The following NKTR variants were observed in gnomAD, a reference collection of about 807,000 sequenced individuals.
The protein encoded by NKTR is natural killer cell triggering receptor.
In NKTR, 67 loss-of-function variants were observed where a neutral mutation model predicts 156.3. The observed-to-expected ratio is 0.43, with a 90% CI of 0.35 to 0.53. The LOEUF is 0.53. Ranked by LOEUF, NKTR falls within the 20% of genes least tolerant of loss-of-function variation. The pLI is 0.01. For synonymous variants in NKTR, 640 were observed against 596.6 expected, an observed-to-expected ratio of 1.07 and a Z score of -1.06; for missense variants, 1,604 against 1,730.9, an observed-to-expected ratio of 0.93 and a Z score of 1.30.
intron 6 of NKTR, chr3:42,627,585 A>G: frequency 1.0e-6 from 1 of 985,210 alleles, no homozygotes; most frequent in Non-Finnish European, 1.2e-6. Flanking sequence ...TAGCAGTGAC[A>G]CTTGTCAATT....
intron 2 of NKTR, among the ~76,000 whole-genome samples, chr3:42,606,277 T>C (rs34683820): frequency 0.17 from 26,204 of 152,178 alleles, 2,736 homozygotes; most frequent in African/African-American, 0.29. Context: ...TATATGGAAA[T>C]AGTTATTTTT....
chr3:42,601,819 C>G (rs1046264387), intron 2 of NKTR: 1 of 152,148 alleles, frequency 6.6e-6, no homozygotes, highest in South Asian at 2.1e-4. Context: ...TGTGCAACAT[C>G]TTGTTCTGCA....
chr3:42,628,660 T>C, intron 6 of NKTR: 2 of 985,428 alleles, frequency 2.0e-6, no homozygotes, highest in South Asian at 4.7e-5. Flanking sequence ...TTTTTACTTC[T>C]AAATATTTGG....
chr3:42,604,671 T>C (rs1706035444), intron 2 of NKTR, among the ~76,000 whole-genome samples: 2 of 52,488 alleles, frequency 3.8e-5, no homozygotes, highest in African/African-American at 1.5e-4. Flanking sequence ...TTTTTTTTTT[T>C]TTTTTTTTTT....
At chr3:42,642,705 A>AGG in intron 14 of NKTR, 109 bp downstream of exon 14, 1 of 747,016 alleles carries the variant, frequency 1.3e-6, no homozygotes, top group Non-Finnish European at 2.4e-6. Flanking sequence ...TACTGAATAT[A>AGG]CTACTGGCCT....
chr3:42,601,296 G>A, intron 2 of NKTR: 1 of 384,304 alleles, frequency 2.6e-6, no homozygotes, highest in Non-Finnish European at 4.7e-6. Context: ...CTGCATCTCC[G>A]GACTGAGTCC....
chr3:42,606,016 G>C (rs975242889), intron 2 of NKTR, among the ~76,000 whole-genome samples: 2 of 151,946 alleles, frequency 1.3e-5, no homozygotes, highest in African/African-American at 2.4e-5. Flanking sequence ...GAGTGGCGTG[G>C]GAGAGAACAG....
At position 42,637,598 on chromosome 3, in the gene NKTR, C is replaced by A; in HGVS notation, c.1894C>A (p.Arg632=). The change falls in exon 13 of 17, where the codon CGA becomes AGA. Residue 632 remains arginine (R), a synonymous_variant. Coordinates refer to ENST00000232978, the MANE Select transcript of NKTR (RefSeq NM_005385.4). ...GAAACCTTGGAAGCCCTCTTATGAG[C>A]GAATTCAGGAAATGAAAGCTAAAAC... is the stretch of plus-strand genomic sequence containing the variant. ...GQKPWKPSYE[R]IQEMKAKTTH... 1 of 1,609,632 alleles carries A rather than the reference C, an allele frequency of 6.2e-7. No individual in the cohort carries two copies. The highest frequency in any genetic ancestry group is 8.5e-7 in the Non-Finnish European group (1 of 1,178,804).
chr3:42,609,005 G>T (rs1706511801), intron 2 of NKTR, among the ~76,000 whole-genome samples: 1 of 152,146 alleles, frequency 6.6e-6, no homozygotes, highest in South Asian at 2.1e-4. Context: ...GCGAGCACCT[G>T]TAATCACAGC....
Position 42,638,127 on chromosome 3 carries a change from C to A in NKTR, c.2423C>A (p.Ser808Tyr), listed in dbSNP as rs770047537. The A allele has an allele frequency of 3.0e-5, 48 of 1,613,836 alleles. No individual in the cohort carries two copies. The highest frequency in any genetic ancestry group is 9.9e-5 in the South Asian group (9 of 91,042). The part of the protein sequence containing the change: ...YSESRSSLDY[S>Y]SDSEQSSVQA... ...GAGAGCAGATCATCTTTAGATTATT[C>A]TTCAGACAGTGAGCAGTCAAGTGTT... Residue 808 changes from serine (S) to tyrosine (Y), a missense_variant, in exon 13 of 17, where the codon TCT becomes TAT. Coordinates refer to ENST00000232978, the MANE Select transcript of NKTR (RefSeq NM_005385.4).
Position 42,632,837 on chromosome 3 carries a change from A to G in NKTR, c.773+14A>G, listed in dbSNP as rs2125808519. The G allele has an allele frequency of 6.5e-7, 1 of 1,544,828 alleles. No individual in the cohort carries two copies. The highest frequency in any genetic ancestry group is 1.7e-4 in the Middle Eastern group (1 of 5,752). On this transcript the variant is annotated intron_variant, in intron 9 of 16. Transcript: ENST00000232978. ...GAACCCAAAAGGGTACGTGTAAAAC[A>G]CCAATGTACTCTTACCTAAAAACAA...
At chr3:42,633,772 C>G in intron 10 of NKTR, 37 bp downstream of exon 10, 1 of 1,611,230 alleles carries the variant, frequency 6.2e-7, no homozygotes, top group Admixed American at 1.7e-5. Flanking sequence ...TTTTATTTCT[C>G]CGATAACACT....
rs1439326042 is a variant in NKTR at position 42,623,248 on chromosome 3, T to G, written c.374+1732T>G. On this transcript the variant is annotated intron_variant, in intron 6 of 16. Transcript: ENST00000232978. ...AATACAAAATTTTGAATCAATAAAT[T>G]ACAATTATAATTTTTATACTTATTT... Among the ~76,000 whole-genome samples, 4 of 152,224 alleles carry G rather than the reference T, an allele frequency of 2.6e-5. No homozygotes were observed. The East Asian group carries it at 7.7e-4, about 29-fold the overall frequency.
intron 3 of NKTR, among the ~76,000 whole-genome samples, chr3:42,618,468 C>CT (rs1707608182): frequency 1.3e-5 from 2 of 152,080 alleles, no homozygotes; most frequent in East Asian, 3.9e-4. Flanking sequence ...GGGACGGAGT[C>CT]TGACTCTTGT....
intron 6 of NKTR, among the ~76,000 whole-genome samples, chr3:42,622,417 T>G (rs1235278351): frequency 6.6e-6 from 1 of 152,082 alleles, no homozygotes; most frequent in Non-Finnish European, 1.5e-5. Flanking sequence ...AATAATTTAT[T>G]GAAAACATTT....
At chr3:42,634,323 G>A (rs192455324) in intron 10 of NKTR, among the ~76,000 whole-genome samples, 36 of 152,282 alleles carry the variant, frequency 2.4e-4, no homozygotes, top group South Asian at 6.2e-4. Context: ...GAAAGAAAAT[G>A]TTTCATGAAC....
rs993523924 is a variant in NKTR at position 42,639,156 on chromosome 3, C to G, written c.3452C>G (p.Ala1151Gly). Reference protein sequence around the residue: ...KVEETSPLGNARLDTPDINIV... With the variant: ...KVEETSPLGNGRLDTPDINIV... Reference sequence around the variant, plus strand: ...GAGGAGACTTCCCCTCTAGGAAATGCACGGCTTGATACCCCAGATATAAAC... The same window carrying G: ...GAGGAGACTTCCCCTCTAGGAAATGGACGGCTTGATACCCCAGATATAAAC... Residue 1151 changes from alanine to glycine, a missense_variant, in exon 13 of 17, where the codon GCA (alanine) becomes GGA (glycine). Transcript: ENST00000232978. 3 of 1,614,076 alleles carry G rather than the reference C, an allele frequency of 1.9e-6. No homozygotes were observed. The highest frequency in any genetic ancestry group is 2.2e-5 in the East Asian group (1 of 44,886).
rs371829635 is a variant in NKTR, at chr3:42,639,421, T to C, written c.3717T>C (p.Asn1239=). 1 of 1,614,156 alleles carries C rather than the reference T, an allele frequency of 6.2e-7. No individual in the cohort carries two copies. Among genetic ancestry groups the C allele is most frequent in the Non-Finnish European group, 8.5e-7 (1 of 1,179,996 alleles). Residue 1239 remains asparagine, a synonymous_variant, in exon 13 of 17, where the codon AAT becomes AAC. Transcript: ENST00000232978. The part of the protein sequence containing the change: ...LQGVGNLAAP[N]AATSSAVEVK... ...GTGTGGGGAACCTGGCAGCACCTAA[T>C]GCTGCCACATCCAGTGCTGTGGAAG...
intron 6 of NKTR, chr3:42,629,754 T>C: frequency 1.0e-6 from 1 of 985,402 alleles, no homozygotes; most frequent in South Asian, 4.7e-5. Context: ...GAAAATGCTA[T>C]GGGAAAACTA....
Sources: gnomAD v4.1 joint callset for allele counts (sites outside exome capture counted in the v4.1 genomes callset) on GRCh38, gnomAD v4.1.1 for gene constraint, MANE v1.5 for transcripts, NCBI Gene and HGNC (gene_info 2026-07-23, HGNC 2026-07-21) for gene names.